Variants in GMEB1 observed in about 807,000 individuals in gnomAD.
GMEB1 encodes glucocorticoid modulatory element binding protein 1, also known as glucocorticoid modulatory element-binding protein 1.
A neutral mutation model predicts 52.4 loss-of-function variants in GMEB1; 6 were observed. The observed-to-expected ratio is 0.11, with a 90% confidence interval of 0.06 to 0.23. The LOEUF (loss-of-function observed/expected upper bound fraction) is 0.23, where lower values mean the gene tolerates loss of function less well. Among genes scored for constraint, GMEB1 ranks in the 10% least tolerant of loss-of-function variants. The pLI is 1.00. For missense variants in GMEB1, 486 were observed against 685.6 expected, an observed-to-expected ratio of 0.71 and a Z score of 3.25; for synonymous variants, 255 against 244.9, an observed-to-expected ratio of 1.04 and a Z score of -0.38.
rs752271538 is a variant in GMEB1, at chr1:28,714,529, G to C, written c.1448G>C (p.Ser483Thr). The C allele has an allele frequency of 1.2e-6, 2 of 1,614,072 alleles. No homozygotes were observed. Among genetic ancestry groups the C allele is most frequent in the Non-Finnish European group, 8.5e-7 (1 of 1,180,040 alleles). ...CTGGGCAACATGACCACCATGGTTA[G>C]CCCTGTGGAATTGGTGGCCATGGAG... ...STLGNMTTMV[S>T]PVELVAMESG... The change falls in exon 10 of 10, where the codon AGC becomes ACC. Residue 483 changes from serine to threonine, a missense_variant. Around this residue, in one of 5 missense-constraint regions of GMEB1, gnomAD observed 153 missense variants for 200.8 expected, o/e 0.76. Transcript: ENST00000373816.
rs1202220238 is a variant in GMEB1, at chr1:28,714,057, T to C, written c.992-16T>C. On this transcript the variant is annotated splice_polypyrimidine_tract_variant and intron_variant, in intron 9 of 9. Coordinates refer to ENST00000373816, the MANE Select transcript of GMEB1 (RefSeq NM_001319674.2). Reference sequence around the variant, plus strand: ...TTTACTTCCCTCTACACAAAGTCTTTTCTTTTTTTCCATAGACTTGGAACG... The same window carrying C: ...TTTACTTCCCTCTACACAAAGTCTTCTCTTTTTTTCCATAGACTTGGAACG... 1.3e-6 allele frequency: 2 copies of C among 1,587,900 alleles called. No individual in the cohort carries two copies. The highest frequency in any genetic ancestry group is 1.7e-5 in the Admixed American group (1 of 57,354).
At chr1:28,708,016 A>T (rs577983946) in intron 8 of GMEB1, among the ~76,000 whole-genome samples, 1 of 152,014 alleles carries the variant, frequency 6.6e-6, no homozygotes, top group African/African-American at 2.4e-5. Flanking sequence ...CTCCTGCCTC[A>T]GTCTCCCAAG....
In GMEB1 at chr1:28,714,312, A is replaced by G. The variant is rs1454771415; in HGVS notation, c.1231A>G (p.Asn411Asp). The G allele has an allele frequency of 1.9e-5, 31 of 1,614,144 alleles. No homozygotes were observed. The highest frequency in any genetic ancestry group is 2.6e-5 in the Non-Finnish European group (31 of 1,180,016). The change falls in exon 10 of 10, where the codon AAT (asparagine) becomes GAT (aspartate). Residue 411 changes from asparagine to aspartate, a missense_variant. Physicochemically the swap from Asn to Asp is conservative, Grantham distance 23 (BLOSUM62 1). This residue lies in a region of GMEB1 where 153 missense variants were observed against 200.8 expected (regional missense o/e 0.76). Transcript: ENST00000373816. Reference sequence around the variant, plus strand: ...AGTGGGTCAGTCATTTTCCATGGGCAATATTCCAGTGGCCACCCTCAGCCA... The same window carrying G: ...AGTGGGTCAGTCATTTTCCATGGGCGATATTCCAGTGGCCACCCTCAGCCA... ...TPVGQSFSMG[N>D]IPVATLSQGS...
intron 8 of GMEB1, among the ~76,000 whole-genome samples, chr1:28,707,129 C>G (rs1354006181): frequency 6.6e-6 from 1 of 151,484 alleles, no homozygotes; most frequent in Non-Finnish European, 1.5e-5. Flanking sequence ...ACTACAGGTG[C>G]CCACCACCAC....
chr1:28,709,239 AG>A (rs1219740901), intron 8 of GMEB1, among the ~76,000 whole-genome samples: 1 of 151,684 alleles, frequency 6.6e-6, no homozygotes, highest in Non-Finnish European at 1.5e-5. Flanking sequence ...CCTGGGAGGC[AG>A]GGCTTGCAGG....
At chr1:28,686,536 G>A (rs2124491416) in intron 2 of GMEB1, among the ~76,000 whole-genome samples, 1 of 149,656 alleles carries the variant, frequency 6.7e-6, no homozygotes, top group Admixed American at 6.8e-5. Flanking sequence ...GGCTAAGGGA[G>A]GAGAATTGCT....
chr1:28,705,750 C>T (rs940854824), intron 8 of GMEB1, among the ~76,000 whole-genome samples: 5 of 151,782 alleles, frequency 3.3e-5, no homozygotes, highest in African/African-American at 7.2e-5. Context: ...CGCGCCCAGC[C>T]GATACATCTA....
intron 2 of GMEB1, among the ~76,000 whole-genome samples, chr1:28,687,370 A>C (rs1669703161): frequency 1.2e-5 from 1 of 84,254 alleles, no homozygotes; most frequent in Non-Finnish European, 2.6e-5. Context: ...ACACACACAC[A>C]CACACACACA....
In GMEB1 at chr1:28,687,377, C is replaced by CAAAAAAAAAAAAAAAA. The variant is rs1260455703; in HGVS notation, c.129-2726_129-2725insAAAAAAAAAAAAAAAA. 3.4e-4 allele frequency among the ~76,000 whole-genome samples: 5 copies of CAAAAAAAAAAAAAAAA among 14,796 alleles called. 2 individuals carry two copies. The highest frequency in any genetic ancestry group is 9.7e-4 in the African/African-American group (5 of 5,158). 9.7% of individuals were successfully genotyped at this position (14,796 alleles called of 152,430 possible). A position where few individuals can be genotyped will look rare whatever the true frequency, so the allele number is the denominator to read the frequency against. The stretch of plus-strand genomic sequence containing the variant: ...ACACACACACACACACACACACACA[C>CAAAAAAAAAAAAAAAA]ACACACACACAAAAAAAGACAGTGG... On this transcript the variant is annotated intron_variant, in intron 2 of 9. Coordinates refer to ENST00000373816, the MANE Select transcript of GMEB1 (RefSeq NM_001319674.2).
chr1:28,706,841 A>G (rs1338187830), intron 8 of GMEB1, among the ~76,000 whole-genome samples: 1 of 150,344 alleles, frequency 6.7e-6, no homozygotes, highest in Non-Finnish European at 1.5e-5. Context: ...GGTTTTTTGT[A>G]TTTTTAGTAG....
chr1:28,712,114 A>G (rs1671085947), intron 9 of GMEB1, among the ~76,000 whole-genome samples: 1 of 152,166 alleles, frequency 6.6e-6, no homozygotes, highest in African/African-American at 2.4e-5. Flanking sequence ...TTAATTTGCT[A>G]AGGTGGCTCA....
rs1313570993 is a variant in GMEB1 at position 28,717,191 on chromosome 1, T to G, written c.*2418T>G. The G allele has an allele frequency of 1.3e-5, 2 of 151,372 alleles. No homozygotes were observed. The highest frequency in any genetic ancestry group is 2.4e-5 in the African/African-American group (1 of 41,298). The allele number at this position is 151,372 out of a possible 1,614,324, so 9.4% of individuals were successfully genotyped here. On this transcript the variant is annotated 3_prime_UTR_variant, in exon 10 of 10. Transcript: ENST00000373816. ...GTAACATGGTAAGGTTGCTGTTTTT[T>G]TTTTTTTTTTCTTTTTGAGATGGAG...
intron 3 of GMEB1, 23 bp downstream of exon 3, chr1:28,690,209 T>G (rs774098933): frequency 1.6e-4 from 167 of 1,052,632 alleles, no homozygotes; most frequent in South Asian, 4.2e-4. Flanking sequence ...TTGTGTTTTT[T>G]TTTTTTTTTT....
At chr1:28,682,825 G>A (rs1368976409) in intron 1 of GMEB1, among the ~76,000 whole-genome samples, 11 of 152,080 alleles carry the variant, frequency 7.2e-5, no homozygotes, top group African/African-American at 2.7e-4. Context: ...ATTTCCAAGA[G>A]CTTCCTGTTT....
chr1:28,709,792 A>AATTTTTGT (rs1489181482), intron 8 of GMEB1, among the ~76,000 whole-genome samples: 1 of 152,012 alleles, frequency 6.6e-6, no homozygotes, highest in Non-Finnish European at 1.5e-5. Flanking sequence ...TTACCCAGCT[A>AATTTTTGT]ATTTTTGTAT....
chr1:28,713,825 G>A (rs1333066248), intron 9 of GMEB1, among the ~76,000 whole-genome samples: 3 of 152,236 alleles, frequency 2.0e-5, no homozygotes, highest in African/African-American at 4.8e-5. Flanking sequence ...TGGGTGGATC[G>A]CTTGAGGCCA....
chr1:28,704,248 G>T lies in GMEB1; in HGVS notation c.787G>T (p.Val263Phe). 6.2e-7 allele frequency: 1 copy of T among 1,613,678 alleles called. No homozygotes were observed. The highest frequency in any genetic ancestry group is 8.5e-7 in the Non-Finnish European group (1 of 1,179,754). ...TGATGTAGGGCTGATGGAAGAGGTT[G>T]TCTGCAATATACAGAAGGAAATAGA... ...IADVGLMEEV[V>F]CNIQKEIEEL... is the part of the protein sequence containing the mutation. Residue 263 changes from valine to phenylalanine, a missense_variant, in exon 8 of 10, where the codon GTC (valine) becomes TTC (phenylalanine). By Grantham distance (50) the Val-to-Phe change is conservative (BLOSUM62 -1). Around this residue, in one of 5 missense-constraint regions of GMEB1, gnomAD observed 200 missense variants for 253.5 expected, o/e 0.79. Transcript: ENST00000373816.
At chr1:28,677,435 G>A (rs1326025186) in intron 1 of GMEB1, among the ~76,000 whole-genome samples, 2 of 152,100 alleles carry the variant, frequency 1.3e-5, no homozygotes, top group Admixed American at 6.6e-5. Context: ...CTGACTTTGC[G>A]ATCCGCCTGC....
intron 1 of GMEB1, among the ~76,000 whole-genome samples, chr1:28,673,477 G>A (rs188464062): frequency 1.3e-5 from 2 of 150,508 alleles, no homozygotes; most frequent in African/African-American, 2.4e-5. Context: ...GGCTGGTCTC[G>A]AACCCCTGAC....
Sources: allele counts gnomAD v4.1 joint callset (sites outside exome capture counted in the v4.1 genomes callset), GRCh38; gene constraint gnomAD v4.1.1; regional missense constraint gnomAD v4.1.1; transcripts MANE v1.5; gene names NCBI Gene and HGNC (gene_info 2026-07-23, HGNC 2026-07-21).